FBN2: variants seen among roughly 807,000 people sequenced by gnomAD.
The protein encoded by FBN2 is fibrillin 2, also known as fibrillin-2.
A neutral mutation model predicts 355.6 loss-of-function variants in FBN2; 105 were observed. The observed-to-expected ratio is 0.30, with a 90% CI of 0.25 to 0.35. FBN2 has a LOEUF of 0.35. FBN2 is among the 10% of genes least tolerant of loss of function. The probability of loss-of-function intolerance (pLI) is 1.00; values close to 1 mark genes in which losing one functional copy is unlikely to be tolerated. For synonymous variants in FBN2, 1,350 were observed against 1,301.2 expected (o/e 1.04, Z -0.81); for missense variants, 3,280 against 3,758.7 (o/e 0.87, Z 3.33).
intron 6 of FBN2, among the ~76,000 whole-genome samples, chr5:128,458,200 C>T (rs922838675): frequency 6.6e-6 from 1 of 151,744 alleles, no homozygotes; most frequent in Non-Finnish European, 1.5e-5. Flanking sequence ...TTTAAACCAG[C>T]AAAGATCAAA....
chr5:128,307,052 T>G, intron 42 of FBN2, 83 bp downstream of exon 42: 1 of 891,416 alleles, frequency 1.1e-6, no homozygotes, highest in Non-Finnish European at 1.9e-6. Flanking sequence ...TTTGTGGTAC[T>G]CTTGAATTTT....
intron 31 of FBN2, 67 bp downstream of exon 31, chr5:128,334,652 T>C (rs538119003): frequency 6.4e-7 from 1 of 1,556,700 alleles, no homozygotes; most frequent in African/African-American, 1.4e-5. Context: ...AGAGAACAAA[T>C]GATGTTGAAA....
Position 128,349,419 on chromosome 5 carries a change from T to C in FBN2, c.2917A>G (p.Asn973Asp), listed in dbSNP as rs745874292. Reference protein sequence around the residue: ...PGVCPNGRCVNSKGSFHCECP... With the variant: ...PGVCPNGRCVDSKGSFHCECP... The stretch of plus-strand genomic sequence containing the variant: ...TCGCAATGAAAAGATCCCTTACTGT[T>C]GACACAGCGTCCATTTGGACAAACG... Residue 973 changes from asparagine to aspartate, a missense_variant, in exon 23 of 65, where the codon AAC (asparagine) becomes GAC (aspartate). This residue lies in a region of FBN2 where 2,284 missense variants were observed against 2,749.5 expected (regional missense o/e 0.83). Coordinates refer to ENST00000262464, the MANE Select transcript of FBN2 (RefSeq NM_001999.4). The C allele has an allele frequency of 1.9e-6, 3 of 1,614,136 alleles. No homozygotes were observed. In the South Asian group the frequency reaches 3.3e-5, roughly 18 times the overall value.
chr5:128,484,874 G>A (rs1413070729), intron 5 of FBN2, among the ~76,000 whole-genome samples: 1 of 152,156 alleles, frequency 6.6e-6, no homozygotes, highest in Non-Finnish European at 1.5e-5. Context: ...CAACAACACT[G>A]AGTTTCAGTG....
intron 5 of FBN2, among the ~76,000 whole-genome samples, chr5:128,476,700 C>T (rs370425448): frequency 1.1e-4 from 17 of 152,172 alleles, no homozygotes; most frequent in East Asian, 3.9e-4. Context: ...AATCAAAAAG[C>T]GTGTCTTAAT....
chr5:128,504,957 T>C (rs898236316), intron 5 of FBN2, among the ~76,000 whole-genome samples: 3 of 152,204 alleles, frequency 2.0e-5, no homozygotes, highest in African/African-American at 7.2e-5. Context: ...AGCTGAATTA[T>C]GGGAGCAGTT....
At chr5:128,536,635 A>G in intron 1 of FBN2, 151 bp from the exon 2 acceptor site, 1 of 707,302 alleles carries the variant, frequency 1.4e-6, no homozygotes. Context: ...CGGGAGGCAG[A>G]CGTGGAAGCA....
chr5:128,338,068 T>A lies in FBN2; in HGVS notation c.3527A>T (p.Asn1176Ile). Residue 1176 changes from asparagine to isoleucine, a missense_variant, in exon 27 of 65, where the codon AAC (asparagine) becomes ATC (isoleucine). Transcript: ENST00000262464. ...GTCACACTGAAAGCTGCCCTCAGTG[T>A]TCACACAGGTGCCACCCCTACAAAG... ...PLLCRGGTCV[N>I]TEGSFQCDCP... 1 of 1,614,104 alleles carries A rather than the reference T, an allele frequency of 6.2e-7. No individual in the cohort carries two copies. The highest frequency in any genetic ancestry group is 8.5e-7 in the Non-Finnish European group (1 of 1,179,936).
chr5:128,326,109 GCTA>G (rs746963317), intron 34 of FBN2, among the ~76,000 whole-genome samples: 13 of 152,144 alleles, frequency 8.5e-5, no homozygotes, highest in Non-Finnish European at 1.6e-4. Context: ...CTGCATAGTT[GCTA>G]CTGTTTTTCA....
chr5:128,266,501 G>T (rs1765116563), intron 62 of FBN2, among the ~76,000 whole-genome samples: 1 of 152,112 alleles, frequency 6.6e-6, no homozygotes, highest in Non-Finnish European at 1.5e-5. Context: ...CTCATAAAGG[G>T]GAACTGGGAT....
intron 7 of FBN2, among the ~76,000 whole-genome samples, chr5:128,423,180 G>C (rs2127019218): frequency 6.6e-6 from 1 of 152,192 alleles, no homozygotes; most frequent in African/African-American, 2.4e-5. Context: ...AGATAAACAG[G>C]CCATGAAAAT....
intron 7 of FBN2, among the ~76,000 whole-genome samples, chr5:128,432,861 G>A (rs543355697): frequency 6.6e-6 from 1 of 151,980 alleles, no homozygotes; most frequent in Non-Finnish European, 1.5e-5. Context: ...GTTCTGTATG[G>A]CTACCGAGAC....
At chr5:128,405,189 T>C (rs1752894359) in intron 8 of FBN2, among the ~76,000 whole-genome samples, 1 of 152,120 alleles carries the variant, frequency 6.6e-6, no homozygotes, top group Admixed American at 6.5e-5. Context: ...CTAGACTCCA[T>C]CTTTAAAAAA....
At chr5:128,333,863 ACACACACACAC>A (rs1213501723) in intron 31 of FBN2, among the ~76,000 whole-genome samples, 1 of 121,146 alleles carries the variant, frequency 8.3e-6, no homozygotes, top group Non-Finnish European at 1.7e-5. Context: ...ACACACACAC[ACACACACACAC>A]ACTACTGGCT....
At chr5:128,414,865 C>T (rs555307594) in intron 7 of FBN2, among the ~76,000 whole-genome samples, 41 of 151,940 alleles carry the variant, frequency 2.7e-4, no homozygotes, top group Non-Finnish European at 5.1e-4. Context: ...TTGCATTTGC[C>T]TGATGATTAA....
chr5:128,296,912 T>G (rs1436143415), intron 48 of FBN2, among the ~76,000 whole-genome samples: 3 of 152,182 alleles, frequency 2.0e-5, no homozygotes, highest in East Asian at 1.9e-4. Flanking sequence ...CTTTTCTAGT[T>G]CTTTTAATTG....
intron 25 of FBN2, among the ~76,000 whole-genome samples, chr5:128,341,855 A>G (rs970317615): frequency 6.6e-6 from 1 of 152,234 alleles, no homozygotes; most frequent in African/African-American, 2.4e-5. Flanking sequence ...GAAATATCAC[A>G]GGTAATTGAA....
Position 128,350,968 on chromosome 5 carries a change from G to C in FBN2, c.2712C>G (p.Asp904Glu). 1 of 1,614,190 alleles carries C rather than the reference G, an allele frequency of 6.2e-7. No individual in the cohort carries two copies. The highest frequency in any genetic ancestry group is 8.5e-7 in the Non-Finnish European group (1 of 1,180,028). ...CATTAATATTCACCTCACAGCGGCT[G>C]TCCTGGATGTTGAGCCAACAGGTCC... Reference protein sequence around the residue: ...LKGTCWLNIQDSRCEVNINGA... With the variant: ...LKGTCWLNIQESRCEVNINGA... The change falls in exon 21 of 65, where the codon GAC (aspartate) becomes GAG (glutamate). Residue 904 changes from aspartate (D) to glutamate (E), a missense_variant. Asp to Glu is a conservative substitution (Grantham distance 45). This residue lies in a region of FBN2 where 2,284 missense variants were observed against 2,749.5 expected (regional missense o/e 0.83). Transcript: ENST00000262464.
In FBN2 at chr5:128,345,344, C is replaced by T. The variant is rs572013507; in HGVS notation, c.3217+13G>A. The stretch of plus-strand genomic sequence containing the variant: ...GGTGAAGAAGGACCAAGGCGCTGGC[C>T]GCAGGCAGTTACCTTTGTAAAATGG... On this transcript the variant is annotated intron_variant, in intron 24 of 64. Coordinates refer to ENST00000262464, the MANE Select transcript of FBN2 (RefSeq NM_001999.4). 1.3e-4 allele frequency: 217 copies of T among 1,608,190 alleles called. 2 individuals carry two copies. The highest frequency in any genetic ancestry group is 1.3e-3 in the South Asian group (118 of 90,932).
Sources: gnomAD v4.1 joint callset for allele counts (sites outside exome capture counted in the v4.1 genomes callset) on GRCh38, gnomAD v4.1.1 for gene constraint, gnomAD v4.1.1 regional missense constraint, MANE v1.5 for transcripts, NCBI Gene and HGNC (gene_info 2026-07-23, HGNC 2026-07-21) for gene names.